Variants in RRP12 observed in about 807,000 individuals in gnomAD.
RRP12 encodes RRP12-like protein.
RRP12 carries 78 observed loss-of-function variants against 157.3 expected under a neutral mutation model. The ratio of observed to expected loss-of-function variants is 0.50; its 90% CI spans 0.41 to 0.60. The LOEUF (loss-of-function observed/expected upper bound fraction) is 0.60. Ranked by LOEUF, RRP12 falls within the 20% of genes least tolerant of loss-of-function variation. RRP12 has a pLI of 0.00. For missense variants in RRP12, 1,521 were observed against 1,679.9 expected (o/e 0.91, Z 1.65); for synonymous variants, 726 against 670.9 (o/e 1.08, Z -1.27).
At chr10:97,396,445 T>C in intron 2 of RRP12, 144 bp from the exon 3 acceptor site, 3 of 652,700 alleles carry the variant, frequency 4.6e-6, no homozygotes, top group South Asian at 1.7e-5. Flanking sequence ...CCTAGGTCCA[T>C]ACCAGGGGGC....
Position 97,360,595 on chromosome 10 carries a change from G to T in RRP12, c.3591C>A (p.His1197Gln). The change falls in exon 31 of 34, where the codon CAC becomes CAA. Residue 1197 changes from histidine (H) to glutamine (Q), a missense_variant. His to Gln is a conservative substitution (Grantham distance 24, BLOSUM62 0). Transcript: ENST00000370992. ...GCTCCTCCTCCTCAGCCTCTTTCTGGTGCTTGAGCTTCTGGTGCTTTTTCT... is the reference window on the plus strand; with the variant it reads ...GCTCCTCCTCCTCAGCCTCTTTCTGTTGCTTGAGCTTCTGGTGCTTTTTCT... ...IRNKKHQKLK[H>Q]QKEAEEEELE... The T allele has an allele frequency of 6.2e-7, 1 of 1,613,984 alleles. No homozygotes were observed. Among genetic ancestry groups the T allele is most frequent in the Non-Finnish European group, 8.5e-7 (1 of 1,179,910 alleles).
At chr10:97,394,673 A>T (rs1844905934) in intron 3 of RRP12, among the ~76,000 whole-genome samples, 1 of 152,132 alleles carries the variant, frequency 6.6e-6, no homozygotes, top group South Asian at 2.1e-4. Context: ...TAAAGGCGTG[A>T]GCCACCACAC....
Position 97,396,307 on chromosome 10 carries a change from C to T in RRP12, c.370-6G>A, listed in dbSNP as rs367886697. ...GCAGCCAGAACAGCACAGATCTGCA[C>T]AGGAGGGAGAAAGCACTGTGACTAT... On this transcript the variant is annotated splice_polypyrimidine_tract_variant and splice_region_variant and intron_variant, in intron 2 of 33. Coordinates refer to ENST00000370992, the MANE Select transcript of RRP12 (RefSeq NM_015179.4). 1.4e-5 allele frequency: 23 copies of T among 1,612,332 alleles called. No homozygotes were observed. In the African/African-American group the frequency reaches 2.3e-4, roughly 16 times the overall value.
In RRP12 at chr10:97,380,876, C is replaced by T; in HGVS notation, c.1456G>A (p.Ala486Thr). 6.2e-7 allele frequency: 1 copy of T among 1,614,178 alleles called. No individual in the cohort carries two copies. The highest frequency in any genetic ancestry group is 2.2e-5 in the East Asian group (1 of 44,874). Residue 486 changes from alanine to threonine, a missense_variant, in exon 13 of 34, where the codon GCC becomes ACC. Coordinates refer to ENST00000370992, the MANE Select transcript of RRP12 (RefSeq NM_015179.4). ...AGCAGCTGCAACACGGAGCTCCAGGCCGCATGGAATTTGTACGTCAGGCCC... is the reference window on the plus strand; with the variant it reads ...AGCAGCTGCAACACGGAGCTCCAGGTCGCATGGAATTTGTACGTCAGGCCC... ...EEGLTYKFHAAWSSVLQLLCV... is the reference protein window; with the variant it reads ...EEGLTYKFHATWSSVLQLLCV...
rs1342540709 is a variant in RRP12 at position 97,366,454 on chromosome 10, C to T, written c.3383G>A (p.Arg1128Gln). ...GCCAGCCCTGTGCTTACCCAGGACTCGTTGGGCCACCTTGGGATCCAGGAA... is the reference window on the plus strand; with the variant it reads ...GCCAGCCCTGTGCTTACCCAGGACTTGTTGGGCCACCTTGGGATCCAGGAA... ...LNFLDPKVAQRVLATQPGPGR... is the reference protein window; with the variant it reads ...LNFLDPKVAQQVLATQPGPGR... Residue 1128 changes from arginine to glutamine, a missense_variant, in exon 28 of 34, where the codon CGA becomes CAA. Transcript: ENST00000370992. 8.1e-6 allele frequency: 13 copies of T among 1,611,318 alleles called. 1 individual carries two copies. The highest frequency in any genetic ancestry group is 4.4e-5 in the South Asian group (4 of 90,682).
intron 25 of RRP12, 70 bp downstream of exon 25, chr10:97,369,355 A>T (rs1465301010): frequency 6.6e-7 from 1 of 1,515,164 alleles, no homozygotes; most frequent in Non-Finnish European, 9.0e-7. Flanking sequence ...CTGGCCTCGA[A>T]GCTTGCCAGG....
At chr10:97,389,596 A>G (rs1359296734) in intron 6 of RRP12, among the ~76,000 whole-genome samples, 1 of 152,138 alleles carries the variant, frequency 6.6e-6, no homozygotes, top group East Asian at 1.9e-4. Flanking sequence ...TCCAGAGGAA[A>G]CAGTGGGGAA....
chr10:97,362,482 G>A (rs990656685), intron 30 of RRP12, among the ~76,000 whole-genome samples: 2 of 152,128 alleles, frequency 1.3e-5, no homozygotes, highest in Non-Finnish European at 2.9e-5. Flanking sequence ...TTGAGCCCAG[G>A]CAGTCTGGGC....
chr10:97,365,613 G>A (rs1240903691), intron 29 of RRP12, among the ~76,000 whole-genome samples: 4 of 152,080 alleles, frequency 2.6e-5, no homozygotes, highest in African/African-American at 7.2e-5. Flanking sequence ...GATATGTGGA[G>A]AGGGGCCAGG....
intron 4 of RRP12, chr10:97,393,163 C>T (rs527991984): frequency 8.4e-5 from 33 of 392,192 alleles, no homozygotes; most frequent in South Asian, 2.9e-4. Context: ...GTGTGAACCA[C>T]CGCACCAGGC....
intron 25 of RRP12, 144 bp from the exon 26 acceptor site, chr10:97,367,276 CCCAGTCATG>C: frequency 1.5e-6 from 1 of 668,792 alleles, no homozygotes; most frequent in Non-Finnish European, 2.6e-6. Context: ...CACACCCTGG[CCCAGTCATG>C]CTTCCCTCGG....
rs533568344 is a variant in RRP12 at position 97,380,369 on chromosome 10, C to T, written c.1533+430G>A. ...CAGGCCCCCACTCTCTCCTGGACTACGGTCTGCTCAGGATCCCTGAGTGAT... is the reference window on the plus strand; with the variant it reads ...CAGGCCCCCACTCTCTCCTGGACTATGGTCTGCTCAGGATCCCTGAGTGAT... On this transcript the variant is annotated intron_variant, in intron 13 of 33. Coordinates refer to ENST00000370992, the MANE Select transcript of RRP12 (RefSeq NM_015179.4). Among the ~76,000 whole-genome samples, 8 of 152,314 alleles carry T rather than the reference C, an allele frequency of 5.3e-5. No individual in the cohort carries two copies. In the South Asian group the frequency reaches 1.4e-3, roughly 28 times the overall value.
chr10:97,381,311 G>T, intron 12 of RRP12, 75 bp downstream of exon 12: 1 of 1,072,150 alleles, frequency 9.3e-7, no homozygotes, highest in Non-Finnish European at 1.3e-6. Context: ...TAGGTGGAGA[G>T]TGGAGCATTC....
chr10:97,375,916 C>T (rs1412079001), intron 15 of RRP12, among the ~76,000 whole-genome samples: 1 of 152,004 alleles, frequency 6.6e-6, no homozygotes, highest in African/African-American at 2.4e-5. Context: ...CCTGCCTGGC[C>T]AACATGGCGA....
At chr10:97,370,619 C>G in intron 22 of RRP12, 59 bp from the exon 23 acceptor site, 2 of 1,582,430 alleles carry the variant, frequency 1.3e-6, no homozygotes, top group Admixed American at 1.7e-5. Context: ...GGAAGCGAAT[C>G]GAGTCCTCCC....
At chr10:97,375,762 T>G (rs932719143) in intron 15 of RRP12, among the ~76,000 whole-genome samples, 1 of 152,202 alleles carries the variant, frequency 6.6e-6, no homozygotes, top group Non-Finnish European at 1.5e-5. Context: ...GTTACTAATA[T>G]GTGCACATTA....
In RRP12 at chr10:97,372,748, G is replaced by T. The variant is rs369372705; in HGVS notation, c.2237C>A (p.Ser746Tyr). The change falls in exon 19 of 34, where the codon TCT becomes TAT. Residue 746 changes from serine (S) to tyrosine (Y), a missense_variant. Ser to Tyr is a moderately radical substitution (Grantham distance 144). Coordinates refer to ENST00000370992, the MANE Select transcript of RRP12 (RefSeq NM_015179.4). Reference protein sequence around the residue: ...ASEKVLDPASSDFTRLSVLDL... With the variant: ...ASEKVLDPASYDFTRLSVLDL... ...CTGAGCATGTTACCTGGTAAAGTCA[G>T]AGCTGGCAGGGTCGAGCACCTTCTC... 9.0e-6 allele frequency: 14 copies of T among 1,561,220 alleles called. No individual in the cohort carries two copies. Among genetic ancestry groups the T allele is most frequent in the Non-Finnish European group, 1.2e-5 (14 of 1,152,330 alleles).
chr10:97,370,776 T>G lies in RRP12; in HGVS notation c.2523A>C (p.Leu841=). The G allele has an allele frequency of 6.2e-7, 1 of 1,613,942 alleles. No individual in the cohort carries two copies. The highest frequency in any genetic ancestry group is 8.5e-7 in the Non-Finnish European group (1 of 1,179,922). Residue 841 remains leucine (L), a synonymous_variant, in exon 22 of 34, where the codon CTA becomes CTC. Coordinates refer to ENST00000370992, the MANE Select transcript of RRP12 (RefSeq NM_015179.4). ...CAGCTGAGAGCTTCCTCACGATGTGTAGGAGGCACTTCAAACGGGGCTGTG... is the reference window on the plus strand; with the variant it reads ...CAGCTGAGAGCTTCCTCACGATGTGGAGGAGGCACTTCAAACGGGGCTGTG... The part of the protein sequence containing the change: ...PAKRPRLKCL[L]HIVRKLSAEH...
rs867248524 is a variant in RRP12, at chr10:97,373,897, G to A, written c.1799-3C>T. The A allele has an allele frequency of 6.2e-6, 10 of 1,612,556 alleles. No homozygotes were observed. Among genetic ancestry groups the A allele is most frequent in the Middle Eastern group, 1.6e-4 (1 of 6,062 alleles). On this transcript the variant is annotated splice_region_variant and splice_polypyrimidine_tract_variant and intron_variant, in intron 15 of 33. Transcript: ENST00000370992. ...GCCTGCCTGAGCCAGGTCCATGGCTGCAGTGTGACAGAGGGACAGAGTGTG... is the reference window on the plus strand; with the variant it reads ...GCCTGCCTGAGCCAGGTCCATGGCTACAGTGTGACAGAGGGACAGAGTGTG...
Sources: gnomAD v4.1 joint callset for allele counts (sites outside exome capture counted in the v4.1 genomes callset) on GRCh38, gnomAD v4.1.1 for gene constraint, MANE v1.5 for transcripts, NCBI Gene and HGNC (gene_info 2026-07-23, HGNC 2026-07-21) for gene names.